Variants in GASK1B observed in about 807,000 individuals in gnomAD.
The protein encoded by GASK1B is golgi associated kinase 1B.
GASK1B carries 34 observed loss-of-function variants against 42.8 expected under a neutral mutation model. The ratio of observed to expected loss-of-function variants is 0.79; its 90% CI spans 0.60 to 1.06. The LOEUF is 1.06. Among genes scored for constraint, GASK1B ranks in the 50% least tolerant of loss-of-function variants. The probability of loss-of-function intolerance (pLI) is 0.00; values close to 1 mark genes in which losing one functional copy is unlikely to be tolerated. For synonymous variants in GASK1B, 262 were observed against 259.1 expected (o/e 1.01, Z -0.11); for missense variants, 686 against 661.0 (o/e 1.04, Z -0.42).
In GASK1B at chr4:158,126,389, C is replaced by T. The variant is rs1730455624; in HGVS notation, c.*1018G>A. 6.6e-6 allele frequency: 1 copy of T among 152,034 alleles called. No individual in the cohort carries two copies. Among genetic ancestry groups the T allele is most frequent in the Admixed American group, 6.6e-5 (1 of 15,246 alleles). The allele number at this position is 152,034 out of a possible 1,614,324, so 9.4% of individuals were successfully genotyped here. A position where few individuals can be genotyped will look rare whatever the true frequency, so the allele number is the denominator to read the frequency against. Reference sequence around the variant, plus strand: ...GACGCAGGTTTTAACTTATTTTGCTCATATTACTCATGTTGAAATAAGCCA... The same window carrying T: ...GACGCAGGTTTTAACTTATTTTGCTTATATTACTCATGTTGAAATAAGCCA... On this transcript the variant is annotated 3_prime_UTR_variant, in exon 5 of 5. Coordinates refer to ENST00000585682, the MANE Select transcript of GASK1B (RefSeq NM_001128424.2).
rs1416907510 is a variant in GASK1B at position 158,170,808 on chromosome 4, C to T, written c.568G>A (p.Ala190Thr). The T allele has an allele frequency of 1.2e-6, 2 of 1,614,084 alleles. No individual in the cohort carries two copies. The highest frequency in any genetic ancestry group is 1.6e-4 in the Middle Eastern group (1 of 6,084). ...WRLVRGPGVR[A>T]GGPDFLQPSS... is the part of the protein sequence containing the mutation. ...GGCTGCAGGAAGTCTGGGCCCCCGG[C>T]TCGCACTCCCGGACCCCGCACCAAC... The change falls in exon 2 of 5, where the codon GCC (alanine) becomes ACC (threonine). Residue 190 changes from alanine (A) to threonine (T), a missense_variant. Transcript: ENST00000585682.
chr4:158,137,193 C>T (rs1730927489), intron 3 of GASK1B, among the ~76,000 whole-genome samples: 1 of 152,080 alleles, frequency 6.6e-6, no homozygotes, highest in African/African-American at 2.4e-5. Context: ...TCTCATATCT[C>T]ACAGAGGGTC....
intron 3 of GASK1B, among the ~76,000 whole-genome samples, chr4:158,135,204 C>T (rs996428270): frequency 2.6e-4 from 39 of 151,280 alleles, no homozygotes; most frequent in Non-Finnish European, 4.0e-4. Flanking sequence ...ACCTGTAATC[C>T]CAGCTACTCA....
At chr4:158,144,200 C>T (rs1731245813) in intron 3 of GASK1B, among the ~76,000 whole-genome samples, 2 of 152,152 alleles carry the variant, frequency 1.3e-5, no homozygotes, top group Non-Finnish European at 2.9e-5. Context: ...TCACTTATTG[C>T]AAGCAGTACT....
intron 4 of GASK1B, among the ~76,000 whole-genome samples, chr4:158,128,725 T>C (rs1469284114): frequency 6.6e-6 from 1 of 152,192 alleles, no homozygotes; most frequent in Non-Finnish European, 1.5e-5. Context: ...CCAGCAGTTC[T>C]GATGCTGCAG....
rs1053415008 is a variant in GASK1B at position 158,172,870 on chromosome 4, T to C, written c.-227A>G. On this transcript the variant is annotated splice_region_variant and 5_prime_UTR_variant, in exon 1 of 5. It removes the in-frame stop codon of an upstream open reading frame in the 5' UTR. Coordinates refer to ENST00000585682, the MANE Select transcript of GASK1B (RefSeq NM_001128424.2). ...AAGCGTTCCCAGGAACTACTCACCT[T>C]ACCATCTTGGCCGTTTCATTTGTCT... 1.6e-4 allele frequency: 25 copies of C among 152,110 alleles called. 1 individual carries two copies. The allele number at this position is 152,110 out of a possible 1,614,324, so 9.4% of individuals were successfully genotyped here. A position where few individuals can be genotyped will look rare whatever the true frequency, so the allele number is the denominator to read the frequency against.
At chr4:158,137,450 T>G (rs577614984) in intron 3 of GASK1B, among the ~76,000 whole-genome samples, 113 of 152,306 alleles carry the variant, frequency 7.4e-4, no homozygotes, top group African/African-American at 2.6e-3. Context: ...GACAGACAGA[T>G]GCAAAAACAC....
At chr4:158,160,861 A>C (rs1446341172) in intron 2 of GASK1B, among the ~76,000 whole-genome samples, 1 of 152,208 alleles carries the variant, frequency 6.6e-6, no homozygotes, top group Non-Finnish European at 1.5e-5. Flanking sequence ...ACAGGCACAG[A>C]AAGACAAATA....
intron 3 of GASK1B, among the ~76,000 whole-genome samples, chr4:158,146,423 A>G (rs1314600355): frequency 6.6e-6 from 1 of 152,160 alleles, no homozygotes; most frequent in Admixed American, 6.5e-5. Flanking sequence ...ACTTATTTCT[A>G]TGCTCATTTC....
At chr4:158,130,426 T>G (rs1730631359) in intron 4 of GASK1B, among the ~76,000 whole-genome samples, 2 of 152,202 alleles carry the variant, frequency 1.3e-5, no homozygotes, top group African/African-American at 4.8e-5. Flanking sequence ...ATCTTATGCC[T>G]AATAATGGAG....
chr4:158,140,275 T>C (rs1398518680), intron 3 of GASK1B, among the ~76,000 whole-genome samples: 2 of 152,148 alleles, frequency 1.3e-5, no homozygotes, highest in African/African-American at 2.4e-5. Context: ...CATACAACAG[T>C]AATAATTCTT....
chr4:158,150,862 T>C (rs1305755266), intron 3 of GASK1B, among the ~76,000 whole-genome samples: 1 of 152,188 alleles, frequency 6.6e-6, no homozygotes, highest in African/African-American at 2.4e-5. Context: ...GTTCAGTCCT[T>C]GCTGGTGTCT....
At chr4:158,159,857 A>C (rs1731904108) in intron 2 of GASK1B, among the ~76,000 whole-genome samples, 2 of 151,884 alleles carry the variant, frequency 1.3e-5, no homozygotes, top group South Asian at 2.1e-4. Flanking sequence ...TGAGTGCTTT[A>C]CACAATCTTC....
intron 3 of GASK1B, among the ~76,000 whole-genome samples, chr4:158,152,604 A>G (rs1731600634): frequency 6.6e-6 from 1 of 152,188 alleles, no homozygotes; most frequent in African/African-American, 2.4e-5. Context: ...ATCCTCAACA[A>G]AATACTAGCT....
At chr4:158,164,281 T>C (rs1732143687) in intron 2 of GASK1B, among the ~76,000 whole-genome samples, 1 of 152,170 alleles carries the variant, frequency 6.6e-6, no homozygotes, top group Non-Finnish European at 1.5e-5. Context: ...TAGAAGACGA[T>C]AGATTGCATG....
chr4:158,171,386 C>T lies in GASK1B; in HGVS notation c.-11G>A. 1 of 1,545,206 alleles carries T rather than the reference C, an allele frequency of 6.5e-7. No homozygotes were observed. Among genetic ancestry groups the T allele is most frequent in the Non-Finnish European group, 8.8e-7 (1 of 1,142,654 alleles). ...GTCTGGACAGGTCATTTCTCTGCCG[C>T]ATCCACATGTTGAACGGAGTTTAAA... is the stretch of plus-strand genomic sequence containing the variant. On this transcript the variant is annotated 5_prime_UTR_variant, in exon 2 of 5. An upstream start codon of the reference 5' UTR is lost. Transcript: ENST00000585682.
At chr4:158,129,112 TG>T (rs1273558205) in intron 4 of GASK1B, among the ~76,000 whole-genome samples, 3 of 152,230 alleles carry the variant, frequency 2.0e-5, no homozygotes, top group Non-Finnish European at 4.4e-5. Context: ...CCTTCATTTT[TG>T]CTTTTCAATG....
rs145304706 is a variant in GASK1B at position 158,145,259 on chromosome 4, A to C, written c.1125+10352T>G. ...ATCAAAAATAGGAGAAAGCAGGACA[A>C]AGATGAACACCTCTTAATCTAATTC... On this transcript the variant is annotated intron_variant, in intron 3 of 4. Transcript: ENST00000585682. 7.2e-5 allele frequency among the ~76,000 whole-genome samples: 11 copies of C among 152,364 alleles called. No individual in the cohort carries two copies. In the East Asian group the frequency reaches 2.1e-3, roughly 29 times the overall value.
chr4:158,149,955 C>G (rs1478205560), intron 3 of GASK1B, among the ~76,000 whole-genome samples: 1 of 13,550 alleles, frequency 7.4e-5, no homozygotes, highest in Non-Finnish European at 1.7e-4. Context: ...GACGGAGTCT[C>G]ACTCTGTCGC....
Sources: gnomAD v4.1 joint callset for allele counts (sites outside exome capture counted in the v4.1 genomes callset) on GRCh38, gnomAD v4.1.1 for gene constraint, MANE v1.5 for transcripts, NCBI Gene and HGNC (gene_info 2026-07-23, HGNC 2026-07-21) for gene names.